The following NUP155 variants were observed in gnomAD, a reference collection of about 807,000 sequenced individuals.
NUP155 encodes the protein nucleoporin 155, also known as nuclear pore complex protein Nup155.
A neutral mutation model predicts 180.4 loss-of-function variants in NUP155; 71 were observed. The ratio of observed to expected loss-of-function variants is 0.39; its 90% confidence interval spans 0.33 to 0.48. The LOEUF is 0.48. Among genes scored for constraint, NUP155 ranks in the 20% least tolerant of loss-of-function variants. The probability of loss-of-function intolerance (pLI) is 0.91; values close to 1 mark genes in which losing one functional copy is unlikely to be tolerated. For synonymous variants in NUP155, 582 were observed against 559.5 expected (o/e 1.04, Z -0.57); for missense variants, 1,553 against 1,648.9 (o/e 0.94, Z 1.01).
chr5:37,356,610 A>C (rs770828203), intron 4 of NUP155, among the ~76,000 whole-genome samples: 4 of 152,186 alleles, frequency 2.6e-5, no homozygotes, highest in Non-Finnish European at 5.9e-5. Context: ...ACTGCACTCT[A>C]GCCTGGGCAA....
rs765091894 is a variant in NUP155, at chr5:37,289,915, C to T, written c.*1985G>A. The T allele has an allele frequency of 9.2e-5, 14 of 152,146 alleles. No homozygotes were observed. Among genetic ancestry groups the T allele is most frequent in the African/African-American group, 2.2e-4 (9 of 41,516 alleles). 9.4% of individuals were successfully genotyped at this position (152,146 alleles called of 1,614,324 possible). ...ACATTCACTTTACATATTCAAAAAA[C>T]GCTAAACTTAAGAAACTGAAAAGTT... On this transcript the variant is annotated 3_prime_UTR_variant, in exon 35 of 35. Coordinates refer to ENST00000231498, the MANE Select transcript of NUP155 (RefSeq NM_153485.3).
intron 20 of NUP155, among the ~76,000 whole-genome samples, chr5:37,322,148 C>T (rs1744285675): frequency 4.6e-5 from 7 of 152,178 alleles, no homozygotes; most frequent in Admixed American, 4.6e-4. Context: ...GCCATCACGC[C>T]CGGCCTATTT....
At chr5:37,296,688 A>AAAATAAATAAATAAAT (rs59874319) in intron 32 of NUP155, among the ~76,000 whole-genome samples, 3,050 of 150,668 alleles carry the variant, frequency 0.02, 126 homozygotes, top group African/African-American at 0.073. Flanking sequence ...ATGATCAATA[A>AAAATAAATAAATAAAT]AAATAAATAA....
chr5:37,344,871 C>CAAAAAA (rs34103075), intron 9 of NUP155, among the ~76,000 whole-genome samples: 1 of 75,268 alleles, frequency 1.3e-5, no homozygotes, highest in Non-Finnish European at 2.6e-5. Context: ...GACTCCATCT[C>CAAAAAA]AAAAAAAAAA....
rs1330415863 is a variant in NUP155 at position 37,323,630 on chromosome 5, TTTACATA to T, written c.2207+355_2207+361del. Among the ~76,000 whole-genome samples the T allele has an allele frequency of 2.0e-5, 3 of 149,562 alleles. No individual in the cohort carries two copies. The Admixed American group carries it at 2.0e-4, about 10-fold the overall frequency. ...TAACTATATTTCTATAAACATTCCA[TTTACATA>T]TATTCATATAATATATTTATATATT... On this transcript the variant is annotated intron_variant, in intron 20 of 34. Coordinates refer to ENST00000231498, the MANE Select transcript of NUP155 (RefSeq NM_153485.3).
At chr5:37,292,176 G>T in intron 34 of NUP155, 138 bp from the exon 35 acceptor site, 2 of 798,584 alleles carry the variant, frequency 2.5e-6, no homozygotes, top group Non-Finnish European at 4.0e-6. Context: ...AAGAAATAAA[G>T]TAAAAAAGAA....
chr5:37,321,610 G>T (rs1038164892), intron 20 of NUP155, among the ~76,000 whole-genome samples: 1 of 151,578 alleles, frequency 6.6e-6, no homozygotes, highest in African/African-American at 2.4e-5. Context: ...CCAGCTACTC[G>T]GGAGGCTGAG....
At chr5:37,321,517 G>T (rs1021698734) in intron 20 of NUP155, among the ~76,000 whole-genome samples, 1 of 152,110 alleles carries the variant, frequency 6.6e-6, no homozygotes, top group Non-Finnish European at 1.5e-5. Flanking sequence ...AAGAGATCGA[G>T]ACCATCCTGG....
chr5:37,332,087 C>G (rs938233839), intron 13 of NUP155, among the ~76,000 whole-genome samples: 1 of 151,062 alleles, frequency 6.6e-6, no homozygotes, highest in Non-Finnish European at 1.5e-5. Context: ...TGCAATTGCC[C>G]CGGCAAAGCT....
intron 20 of NUP155, among the ~76,000 whole-genome samples, chr5:37,322,188 T>C (rs1744288511): frequency 6.6e-6 from 1 of 152,158 alleles, no homozygotes; most frequent in South Asian, 2.1e-4. Context: ...AGGTCTCCTA[T>C]ATTGCCCAGG....
chr5:37,339,416 C>A (rs1745567929), intron 11 of NUP155, among the ~76,000 whole-genome samples: 5 of 151,988 alleles, frequency 3.3e-5, no homozygotes, highest in African/African-American at 1.2e-4. Flanking sequence ...CTGCTTGAGC[C>A]CAGGAGTTTA....
chr5:37,296,317 T>C (rs1386883311), intron 32 of NUP155, among the ~76,000 whole-genome samples: 7 of 152,118 alleles, frequency 4.6e-5, no homozygotes. Flanking sequence ...AGACTTTTCA[T>C]TTTGTTCTGT....
chr5:37,323,039 T>G (rs1398408463), intron 20 of NUP155, among the ~76,000 whole-genome samples: 1 of 151,880 alleles, frequency 6.6e-6, no homozygotes, highest in East Asian at 1.9e-4. Flanking sequence ...TCCCAGAACT[T>G]TGGGAGGCTG....
chr5:37,361,309 G>A (rs1199699987), intron 3 of NUP155, among the ~76,000 whole-genome samples: 2 of 146,454 alleles, frequency 1.4e-5, no homozygotes, highest in African/African-American at 5.2e-5. Flanking sequence ...CAGAAAAGGA[G>A]AGAGAGAGAG....
At chr5:37,337,768 T>G in intron 12 of NUP155, 50 bp downstream of exon 12, 7 of 1,118,918 alleles carry the variant, frequency 6.3e-6, no homozygotes, top group Non-Finnish European at 9.5e-6. Context: ...CATATTATCC[T>G]TCACTTAAAA....
At chr5:37,357,492 G>GA (rs1746916828) in intron 4 of NUP155, among the ~76,000 whole-genome samples, 1 of 144,306 alleles carries the variant, frequency 6.9e-6, no homozygotes, top group Non-Finnish European at 1.5e-5. Flanking sequence ...AGCAATTAAT[G>GA]AAAAATCTAT....
At chr5:37,307,923 C>A (rs144855844) in intron 24 of NUP155, among the ~76,000 whole-genome samples, 38,079 of 83,216 alleles carry the variant, frequency 0.46, 6,594 homozygotes, top group African/African-American at 0.64. Flanking sequence ...CTCTGTCTCA[C>A]AAAAAAAAAA....
At chr5:37,336,092 C>T (rs985690637) in intron 12 of NUP155, among the ~76,000 whole-genome samples, 4 of 152,216 alleles carry the variant, frequency 2.6e-5, no homozygotes, top group African/African-American at 9.6e-5. Context: ...ATACACTATA[C>T]TTGATGAGTT....
chr5:37,342,714 A>T, intron 9 of NUP155, 68 bp from the exon 10 acceptor site: 1 of 1,047,572 alleles, frequency 9.5e-7, no homozygotes, highest in Non-Finnish European at 1.5e-6. Context: ...AATATTTCCC[A>T]TCAGAATGTT....
Sources: gnomAD v4.1 joint callset for allele counts (sites outside exome capture counted in the v4.1 genomes callset) on GRCh38, gnomAD v4.1.1 for gene constraint, MANE v1.5 for transcripts, NCBI Gene and HGNC (gene_info 2026-07-23, HGNC 2026-07-21) for gene names.